The following RASGEF1C variants were observed in gnomAD, a reference collection of about 807,000 sequenced individuals.
The protein encoded by RASGEF1C is ras-GEF domain-containing family member 1C.
Under a neutral mutation model 58.1 loss-of-function variants are expected in RASGEF1C, and 27 were observed. The ratio of observed to expected loss-of-function variants is 0.46; its 90% CI spans 0.34 to 0.64. RASGEF1C has a LOEUF of 0.64. Ranked by LOEUF, RASGEF1C falls within the 30% of genes least tolerant of loss-of-function variation. The pLI, the probability that RASGEF1C is intolerant of heterozygous loss-of-function variation, is 0.01. For missense variants in RASGEF1C, 502 were observed against 605.1 expected (o/e 0.83, Z 1.79); for synonymous variants, 243 against 246.3 (o/e 0.99, Z 0.13).
At chr5:180,205,718 T>G (rs201643720) in intron 1 of RASGEF1C, among the ~76,000 whole-genome samples, 2 of 13,324 alleles carry the variant, frequency 1.5e-4, no homozygotes, top group South Asian at 4.1e-3. Flanking sequence ...TATTATAATA[T>G]TATTATTATT....
At chr5:180,139,367 G>C (rs753339928) in intron 1 of RASGEF1C, among the ~76,000 whole-genome samples, 1 of 152,178 alleles carries the variant, frequency 6.6e-6, no homozygotes, top group Non-Finnish European at 1.5e-5. Context: ...TTGCTGCCCC[G>C]ATGGCAAACC....
At chr5:180,162,058 C>T (rs1271750459) in intron 1 of RASGEF1C, among the ~76,000 whole-genome samples, 1 of 152,206 alleles carries the variant, frequency 6.6e-6, no homozygotes, top group Non-Finnish European at 1.5e-5. Context: ...CCTGTCTGAT[C>T]ACTGACCTTC....
At chr5:180,189,482 T>C (rs1756105232) in intron 1 of RASGEF1C, among the ~76,000 whole-genome samples, 1 of 152,178 alleles carries the variant, frequency 6.6e-6, no homozygotes, top group Non-Finnish European at 1.5e-5. Flanking sequence ...TATTTAAAGC[T>C]ACAAAATCAA....
At chr5:180,135,049 C>CG (rs539235854) in intron 4 of RASGEF1C, among the ~76,000 whole-genome samples, 11 of 136,800 alleles carry the variant, frequency 8.0e-5, no homozygotes, top group Admixed American at 3.0e-4. Flanking sequence ...GTCCCCACCC[C>CG]CCCCGTCCAA....
intron 5 of RASGEF1C, 151 bp downstream of exon 5, chr5:180,128,259 G>T: frequency 1.3e-6 from 1 of 764,292 alleles, no homozygotes; most frequent in Admixed American, 2.0e-5. Flanking sequence ...CTTGGCCTCT[G>T]CATCCACAAG....
At chr5:180,103,255 T>C (rs1036741069) in intron 12 of RASGEF1C, among the ~76,000 whole-genome samples, 3 of 152,124 alleles carry the variant, frequency 2.0e-5, no homozygotes, top group Admixed American at 1.3e-4. Flanking sequence ...TGTTTTGTAT[T>C]TTTAGTAGAG....
intron 4 of RASGEF1C, among the ~76,000 whole-genome samples, chr5:180,131,680 A>G (rs1766372916): frequency 6.6e-6 from 1 of 152,156 alleles, no homozygotes; most frequent in African/African-American, 2.4e-5. Flanking sequence ...CACCGCCTTC[A>G]CCTGCTGACA....
chr5:180,161,403 C>A (rs563923095), intron 1 of RASGEF1C, among the ~76,000 whole-genome samples: 80 of 152,370 alleles, frequency 5.3e-4, no homozygotes, highest in African/African-American at 1.8e-3. Context: ...CCTAGCCCCG[C>A]GCAGCCCTGC....
chr5:180,136,629 T>G, intron 3 of RASGEF1C, 114 bp from the exon 4 acceptor site: 1 of 1,218,442 alleles, frequency 8.2e-7, no homozygotes. Flanking sequence ...TCGTGCCCTC[T>G]CTGTGCCAGG....
rs1367054761 is a variant in RASGEF1C at position 180,114,465 on chromosome 5, T to C, written c.1160A>G (p.Asn387Ser). 8.7e-6 allele frequency: 14 copies of C among 1,612,394 alleles called. No individual in the cohort carries two copies. In the East Asian group the frequency reaches 1.3e-4, roughly 15 times the overall value. ...LNEGCANRLP[N>S]GHVNFEKFLE... ...TCCTACCTCAAAGTTGACGTGTCCATTGGGAAGGCGGTTGGCGCAGCCCTC... is the reference window on the plus strand; with the variant it reads ...TCCTACCTCAAAGTTGACGTGTCCACTGGGAAGGCGGTTGGCGCAGCCCTC... Residue 387 changes from asparagine (N) to serine (S), a missense_variant, in exon 11 of 14, where the codon AAT becomes AGT. Asn to Ser is a conservative substitution (Grantham distance 46). Transcript: ENST00000361132.
chr5:180,114,629 G>A, intron 10 of RASGEF1C, 88 bp from the exon 11 acceptor site: 2 of 1,307,540 alleles, frequency 1.5e-6, no homozygotes, highest in Non-Finnish European at 2.1e-6. Context: ...GCAGATAGCT[G>A]CCCCAGGGAC....
chr5:180,194,047 A>G (rs1364337081), intron 1 of RASGEF1C, among the ~76,000 whole-genome samples: 1 of 151,296 alleles, frequency 6.6e-6, no homozygotes, highest in Non-Finnish European at 1.5e-5. Flanking sequence ...GTTGAAAAAA[A>G]AAAAAAGAGA....
chr5:180,166,274 C>G (rs1767019577), intron 1 of RASGEF1C, among the ~76,000 whole-genome samples: 1 of 152,124 alleles, frequency 6.6e-6, no homozygotes, highest in Non-Finnish European at 1.5e-5. Flanking sequence ...TCATTTTCAA[C>G]CATCAAACAT....
At chr5:180,186,076 G>C (rs1253933976) in intron 1 of RASGEF1C, among the ~76,000 whole-genome samples, 1 of 134,110 alleles carries the variant, frequency 7.5e-6, no homozygotes, top group Non-Finnish European at 1.5e-5. Context: ...CAGCCTGGGT[G>C]ACAGAGCCAG....
Position 180,164,886 on chromosome 5 carries a change from G to A in RASGEF1C, c.-6-26828C>T, listed in dbSNP as rs79124934. The stretch of plus-strand genomic sequence containing the variant: ...GGAGTGTTGAAGTCTCTATATTTGC[G>A]GATTTGTCTATTTTGCCTTTCAGTT... On this transcript the variant is annotated intron_variant, in intron 1 of 13. Transcript: ENST00000361132. Among the ~76,000 whole-genome samples, 488 of 152,200 alleles carry A rather than the reference G, an allele frequency of 3.2e-3. 3 individuals carry two copies. Among genetic ancestry groups the A allele is most frequent in the African/African-American group, 0.011 (465 of 41,522 alleles).
chr5:180,115,420 A>T (rs1766049985), intron 10 of RASGEF1C: 1 of 345,224 alleles, frequency 2.9e-6, no homozygotes, highest in Non-Finnish European at 5.7e-6. Context: ...AGAAAGGCTC[A>T]CGGACCCCGC....
intron 1 of RASGEF1C, among the ~76,000 whole-genome samples, chr5:180,161,186 C>T (rs1194552123): frequency 6.6e-6 from 1 of 152,188 alleles, no homozygotes; most frequent in African/African-American, 2.4e-5. Context: ...GCAAAGTTCC[C>T]CCACAGCCCC....
chr5:180,110,157 G>C (rs1287411654), intron 12 of RASGEF1C, among the ~76,000 whole-genome samples: 1 of 152,104 alleles, frequency 6.6e-6, no homozygotes, highest in African/African-American at 2.4e-5. Flanking sequence ...CCGCTTTCCA[G>C]ATACTGCAGG....
chr5:180,194,485 G>A (rs4700914), intron 1 of RASGEF1C, among the ~76,000 whole-genome samples: 73,053 of 152,076 alleles, frequency 0.48, 18,240 homozygotes, highest in East Asian at 0.62. Context: ...GAGGCCACGG[G>A]GTCTACGCTC....
Sources: gnomAD v4.1 joint callset for allele counts (sites outside exome capture counted in the v4.1 genomes callset) on GRCh38, gnomAD v4.1.1 for gene constraint, MANE v1.5 for transcripts, NCBI Gene and HGNC (gene_info 2026-07-23, HGNC 2026-07-21) for gene names.